MTUS2: variants seen among roughly 807,000 people sequenced by gnomAD.
MTUS2 encodes the protein microtubule-associated tumor suppressor candidate 2.
MTUS2 carries 40 observed loss-of-function variants against 114.1 expected under a neutral mutation model. The observed-to-expected ratio is 0.35, with a 90% CI of 0.27 to 0.46. MTUS2 has a LOEUF of 0.46. MTUS2 is among the 20% of genes least tolerant of loss of function. The probability of loss-of-function intolerance (pLI) is 1.00; values close to 1 mark genes in which losing one functional copy is unlikely to be tolerated. For synonymous variants in MTUS2, 688 were observed against 672.0 expected (o/e 1.02, Z -0.37); for missense variants, 1,679 against 1,705.4 (o/e 0.98, Z 0.27).
At chr13:29,160,461 G>A (rs138853414) in intron 5 of MTUS2, among the ~76,000 whole-genome samples, 281 of 152,242 alleles carry the variant, frequency 1.8e-3, no homozygotes, top group African/African-American at 6.5e-3. Context: ...AGAGGTTAAG[G>A]TTTCAGTGAG....
intron 8 of MTUS2, chr13:29,429,016 A>G (rs1267372157): frequency 1.0e-6 from 1 of 971,758 alleles, no homozygotes; most frequent in African/African-American, 1.6e-5. Context: ...GTTGGTGAAC[A>G]GGAGGCTCCC....
chr13:29,162,848 A>G (rs1198021921), intron 5 of MTUS2, among the ~76,000 whole-genome samples: 1 of 152,182 alleles, frequency 6.6e-6, no homozygotes, highest in Non-Finnish European at 1.5e-5. Flanking sequence ...AGGACTTCGT[A>G]TGCCCGAGAC....
At chr13:29,377,869 T>G (rs981902973) in intron 8 of MTUS2, among the ~76,000 whole-genome samples, 3 of 152,130 alleles carry the variant, frequency 2.0e-5, no homozygotes, top group Admixed American at 6.6e-5. Flanking sequence ...AAACCTATAG[T>G]AAGACTGACA....
At chr13:28,950,047 G>C (rs1175015031) in intron 2 of MTUS2, among the ~76,000 whole-genome samples, 1 of 152,158 alleles carries the variant, frequency 6.6e-6, no homozygotes, top group Non-Finnish European at 1.5e-5. Context: ...TTCCACAATG[G>C]TTGCTCTATT....
chr13:29,014,834 G>A (rs983460016), intron 2 of MTUS2, among the ~76,000 whole-genome samples: 3 of 152,198 alleles, frequency 2.0e-5, no homozygotes, highest in Admixed American at 6.5e-5. Context: ...TGTTCCCCTC[G>A]CTGCCACGTA....
At chr13:29,095,721 C>CTT (rs35185631) in intron 4 of MTUS2, among the ~76,000 whole-genome samples, 33 of 150,068 alleles carry the variant, frequency 2.2e-4, no homozygotes, top group Middle Eastern at 3.4e-3. Context: ...TTCAAGTTCA[C>CTT]TTTTTTTTTC....
At chr13:29,295,582 G>A (rs1020685749) in intron 6 of MTUS2, among the ~76,000 whole-genome samples, 1 of 152,192 alleles carries the variant, frequency 6.6e-6, no homozygotes, top group Non-Finnish European at 1.5e-5. Flanking sequence ...GCTCATCCAT[G>A]TTGCTGCAAG....
chr13:29,176,062 C>T (rs747149664), intron 5 of MTUS2, among the ~76,000 whole-genome samples: 31 of 151,806 alleles, frequency 2.0e-4, no homozygotes, highest in Middle Eastern at 3.2e-3. Flanking sequence ...ATCAGCTCAC[C>T]GTTTCTGTGG....
chr13:28,994,565 GT>G (rs1423434725), intron 2 of MTUS2, among the ~76,000 whole-genome samples: 1 of 152,174 alleles, frequency 6.6e-6, no homozygotes, highest in Non-Finnish European at 1.5e-5. Flanking sequence ...AGCACCTGTT[GT>G]TTCCTGACTT....
intron 4 of MTUS2, among the ~76,000 whole-genome samples, chr13:29,092,974 C>T (rs7324548): frequency 0.67 from 102,083 of 151,882 alleles, 35,011 homozygotes; most frequent in Non-Finnish European, 0.74. Context: ...GGAAGTGGGA[C>T]GGAGTTTGTG....
intron 5 of MTUS2, among the ~76,000 whole-genome samples, chr13:29,115,514 ATTG>A (rs1356949527): frequency 1.3e-5 from 2 of 152,216 alleles, no homozygotes; most frequent in Non-Finnish European, 2.9e-5. Flanking sequence ...AAGACTAGGC[ATTG>A]TTGTTTCTTA....
At chr13:29,444,833 C>T (rs574498417) in intron 9 of MTUS2, among the ~76,000 whole-genome samples, 1 of 152,336 alleles carries the variant, frequency 6.6e-6, no homozygotes, top group South Asian at 2.1e-4. Context: ...GGAAATTATA[C>T]AGAGGCTGGC....
At chr13:29,330,908 G>A (rs780862798) in intron 7 of MTUS2, among the ~76,000 whole-genome samples, 5 of 152,068 alleles carry the variant, frequency 3.3e-5, no homozygotes, top group Non-Finnish European at 7.4e-5. Flanking sequence ...GGATAATCTT[G>A]GCAATGCAGG....
intron 1 of MTUS2, among the ~76,000 whole-genome samples, chr13:28,827,250 G>A (rs1253555219): frequency 6.6e-6 from 1 of 152,190 alleles, no homozygotes; most frequent in East Asian, 1.9e-4. Context: ...TTTGTACAGT[G>A]AACATGCCAA....
intron 2 of MTUS2, among the ~76,000 whole-genome samples, chr13:28,948,291 T>C (rs1882635456): frequency 6.6e-6 from 1 of 152,188 alleles, no homozygotes; most frequent in Non-Finnish European, 1.5e-5. Flanking sequence ...TGTTTTCAAA[T>C]GATCCTAAAT....
chr13:29,351,788 T>G (rs1251731240), intron 7 of MTUS2, among the ~76,000 whole-genome samples: 1 of 151,538 alleles, frequency 6.6e-6, no homozygotes, highest in East Asian at 1.9e-4. Context: ...ATTTTTTTTT[T>G]TTTTTTTGTA....
chr13:29,316,841 CATCTGCTGTTTA>C (rs2139657107), intron 6 of MTUS2, among the ~76,000 whole-genome samples: 1 of 152,304 alleles, frequency 6.6e-6, no homozygotes, highest in East Asian at 1.9e-4. Context: ...TGCAACCTGG[CATCTGCTGTTTA>C]TAAATGCTTA....
intron 5 of MTUS2, among the ~76,000 whole-genome samples, chr13:29,106,805 T>C (rs1440826478): frequency 2.0e-5 from 3 of 152,138 alleles, no homozygotes; most frequent in South Asian, 4.1e-4. Context: ...ACATGGTCCT[T>C]GGTAATTTTC....
chr13:29,345,479 C>A (rs1868571535), intron 7 of MTUS2, among the ~76,000 whole-genome samples: 1 of 151,738 alleles, frequency 6.6e-6, no homozygotes, highest in Admixed American at 6.6e-5. Context: ...TTTTGCATTT[C>A]TCTAAGTGTG....
Sources: gnomAD v4.1 joint callset for allele counts (sites outside exome capture counted in the v4.1 genomes callset) on GRCh38, gnomAD v4.1.1 for gene constraint, MANE v1.5 for transcripts, NCBI Gene and HGNC (gene_info 2026-07-23, HGNC 2026-07-21) for gene names.